TSPAN19: variants seen among roughly 807,000 people sequenced by gnomAD.
TSPAN19 encodes the protein tetraspanin 19.
A neutral mutation model predicts 35.1 loss-of-function variants in TSPAN19; 44 were observed. The ratio of observed to expected loss-of-function variants is 1.25; its 90% CI spans 0.98 to 1.61. The LOEUF is 1.61. Ranked by LOEUF, TSPAN19 falls within the 40% of genes most tolerant of loss-of-function variation. The probability of loss-of-function intolerance (pLI) is 0.00; values close to 1 mark genes in which losing one functional copy is unlikely to be tolerated. For missense variants in TSPAN19, 290 were observed against 280.0 expected, an observed-to-expected ratio of 1.04 and a Z score of -0.26; for synonymous variants, 79 against 92.0, an observed-to-expected ratio of 0.86 and a Z score of 0.81.
At chr12:85,024,094 A>G (rs914475007) in intron 4 of TSPAN19, among the ~76,000 whole-genome samples, 1 of 152,196 alleles carries the variant, frequency 6.6e-6, no homozygotes, top group Non-Finnish European at 1.5e-5. Context: ...AGGAGAGGGT[A>G]GAGAGAAGCA....
chr12:85,018,356 T>C (rs772390763), intron 6 of TSPAN19, among the ~76,000 whole-genome samples: 10 of 151,932 alleles, frequency 6.6e-5, no homozygotes, highest in Admixed American at 3.3e-4. Context: ...TGCTGACGAC[T>C]AAAATATTGA....
chr12:85,018,128 A>C (rs1876915803), intron 6 of TSPAN19, among the ~76,000 whole-genome samples: 1 of 151,860 alleles, frequency 6.6e-6, no homozygotes, highest in East Asian at 1.9e-4. Context: ...ATAGTCATAA[A>C]ATGATCCAAC....
chr12:85,033,141 T>G (rs1877760414), intron 1 of TSPAN19, among the ~76,000 whole-genome samples: 1 of 152,048 alleles, frequency 6.6e-6, no homozygotes, highest in South Asian at 2.1e-4. Flanking sequence ...AAGATGATTT[T>G]GAGATGACTC....
In TSPAN19 at chr12:85,031,798, C is replaced by T. The variant is rs1565770806; in HGVS notation, c.-27-1825G>A. 3.3e-5 allele frequency among the ~76,000 whole-genome samples: 5 copies of T among 152,040 alleles called. No individual in the cohort carries two copies. The South Asian group carries it at 1.0e-3, about 31-fold the overall frequency. On this transcript the variant is annotated intron_variant, in intron 1 of 8. Transcript: ENST00000532498. ...CAAGTGAGGTTGAAGTTGTACACTT[C>T]TCTTCCATTTAGAGTCCACCAGCAC... is the stretch of plus-strand genomic sequence containing the variant.
Position 85,029,892 on chromosome 12 carries a change from CATTAATGAG to C in TSPAN19, c.46_54del (p.Leu16_Asn18del). 1 of 1,486,798 alleles carries C rather than the reference CATTAATGAG, an allele frequency of 6.7e-7. No individual in the cohort carries two copies. The highest frequency in any genetic ancestry group is 9.1e-7 in the Non-Finnish European group (1 of 1,096,718). The allele number at this position is 1,486,798 out of a possible 1,614,324, so 92.1% of individuals were successfully genotyped here. The stretch of plus-strand genomic sequence containing the variant: ...ATGAAGATTCTTACCAAGAAAGCTC[CATTAATGAG>C]ATTAAGAAAGTACTTAATAATTATT... On this transcript the variant is annotated inframe_deletion, in exon 2 of 9. Transcript: ENST00000532498.
chr12:85,027,922 C>T lies in TSPAN19; in HGVS notation c.241G>A (p.Glu81Lys), dbSNP rs1191865318. 16 of 1,582,172 alleles carry T rather than the reference C, an allele frequency of 1.0e-5. No individual in the cohort carries two copies. The highest frequency in any genetic ancestry group is 7.4e-5 in the Admixed American group (4 of 54,068). Residue 81 changes from glutamate (E) to lysine (K), a missense_variant, in exon 4 of 9, where the codon GAA (glutamate) becomes AAA (lysine). By Grantham distance (56) the Glu-to-Lys change is moderately conservative (BLOSUM62 1). Coordinates refer to ENST00000532498, the MANE Select transcript of TSPAN19 (RefSeq NM_001100917.2). ...ACCACAATTAGGAGCCATCTGATTTCGTTGTGAATTCCTATATAACCCAAT... is the reference window on the plus strand; with the variant it reads ...ACCACAATTAGGAGCCATCTGATTTTGTTGTGAATTCCTATATAACCCAAT... ...CLLGYIGIHN[E>K]IRWLLIVYAV... is the part of the protein sequence containing the mutation.
At chr12:85,022,109 G>T (rs1445836709) in intron 5 of TSPAN19, among the ~76,000 whole-genome samples, 2 of 151,950 alleles carry the variant, frequency 1.3e-5, no homozygotes, top group Non-Finnish European at 2.9e-5. Flanking sequence ...CTATAATGAG[G>T]TTGAAAAGTT....
At chr12:85,018,527 C>A (rs1337964081) in intron 6 of TSPAN19, among the ~76,000 whole-genome samples, 3 of 151,896 alleles carry the variant, frequency 2.0e-5, no homozygotes, top group Admixed American at 2.0e-4. Context: ...GGAAGGTTCA[C>A]TTCTCTGCTG....
chr12:85,023,262 A>T, intron 5 of TSPAN19, 64 bp downstream of exon 5: 1 of 1,342,896 alleles, frequency 7.4e-7, no homozygotes, highest in Non-Finnish European at 1.0e-6. Context: ...CAATACTCTA[A>T]GGTATCCAAT....
intron 8 of TSPAN19, 82 bp downstream of exon 8, chr12:85,015,806 G>A (rs1182786411): frequency 3.1e-6 from 3 of 968,216 alleles, no homozygotes; most frequent in Non-Finnish European, 4.6e-6. Context: ...ATCTGATTAG[G>A]TCTCCACCTG....
intron 8 of TSPAN19, 25 bp from the exon 9 acceptor site, chr12:85,014,580 G>T (rs775592078): frequency 2.6e-6 from 4 of 1,528,126 alleles, no homozygotes; most frequent in Admixed American, 1.9e-5. Flanking sequence ...AACAATAAGA[G>T]ATTAAAATTT....
intron 4 of TSPAN19, among the ~76,000 whole-genome samples, chr12:85,023,945 T>G (rs1877263727): frequency 6.6e-6 from 1 of 152,280 alleles, no homozygotes; most frequent in Admixed American, 6.5e-5. Context: ...CAATTTAGTC[T>G]TCTTCATCAT....
At chr12:85,022,205 T>C (rs1565766521) in intron 5 of TSPAN19, among the ~76,000 whole-genome samples, 2 of 151,588 alleles carry the variant, frequency 1.3e-5, no homozygotes, top group African/African-American at 4.8e-5. Flanking sequence ...CCTTTAAAAC[T>C]CACACACACA....
chr12:85,027,367 C>T (rs1247348383), intron 4 of TSPAN19, among the ~76,000 whole-genome samples: 1 of 152,068 alleles, frequency 6.6e-6, no homozygotes, highest in East Asian at 1.9e-4. Context: ...CAGGATCAAT[C>T]GAATTCCAAA....
chr12:85,018,996 C>G (rs939095233), intron 6 of TSPAN19, among the ~76,000 whole-genome samples: 1 of 151,708 alleles, frequency 6.6e-6, no homozygotes, highest in Non-Finnish European at 1.5e-5. Context: ...CCGACAATAC[C>G]CTTCTCTTAC....
chr12:85,030,018 T>A, intron 1 of TSPAN19, 45 bp from the exon 2 acceptor site: 2 of 1,293,124 alleles, frequency 1.5e-6, no homozygotes, highest in Non-Finnish European at 2.1e-6. Context: ...CACAACAACT[T>A]TAAATATTTC....
chr12:85,029,764 C>A lies in TSPAN19; in HGVS notation c.94G>T (p.Gly32Cys). The A allele has an allele frequency of 6.5e-7, 1 of 1,544,000 alleles. No individual in the cohort carries two copies. Among genetic ancestry groups the A allele is most frequent in the Non-Finnish European group, 8.7e-7 (1 of 1,145,280 alleles). The part of the protein sequence containing the change: ...LVLGLLFMGF[G>C]AWLLLDRNNF... ...TTTCTATCTAATAAGAGCCATGCAC[C>A]AAATCCCATGAATAAAAGTCCAAGA... Residue 32 changes from glycine (G) to cysteine (C), a missense_variant, in exon 3 of 9, where the codon GGT (glycine) becomes TGT (cysteine). Coordinates refer to ENST00000532498, the MANE Select transcript of TSPAN19 (RefSeq NM_001100917.2).
chr12:85,033,108 G>C (rs1005038689), intron 1 of TSPAN19, among the ~76,000 whole-genome samples: 1 of 152,056 alleles, frequency 6.6e-6, no homozygotes, highest in Non-Finnish European at 1.5e-5. Flanking sequence ...AGGAAATAAA[G>C]GAAACAGGAA....
chr12:85,026,956 T>C (rs1184446021), intron 4 of TSPAN19, among the ~76,000 whole-genome samples: 1 of 152,080 alleles, frequency 6.6e-6, no homozygotes, highest in Admixed American at 6.6e-5. Context: ...TTCTTCCTGG[T>C]AAGGGACAAA....
Sources: gnomAD v4.1 joint callset for allele counts (sites outside exome capture counted in the v4.1 genomes callset) on GRCh38, gnomAD v4.1.1 for gene constraint, MANE v1.5 for transcripts, NCBI Gene and HGNC (gene_info 2026-07-23, HGNC 2026-07-21) for gene names.